Variants in BRMS1 observed in about 807,000 individuals in gnomAD.
BRMS1 encodes the protein BRMS1 transcriptional repressor and anoikis regulator, also known as breast cancer metastasis-suppressor 1.
A neutral mutation model predicts 40.4 loss-of-function variants in BRMS1; 26 were observed. That is an observed-to-expected ratio of 0.64 (90% CI 0.47 to 0.89). BRMS1 has a LOEUF of 0.89. Among genes scored for constraint, BRMS1 ranks in the 40% least tolerant of loss-of-function variants. The pLI is 0.00. For missense variants in BRMS1, 289 were observed against 309.4 expected (o/e 0.93, Z 0.49); for synonymous variants, 103 against 116.0 (o/e 0.89, Z 0.72).
intron 1 of BRMS1, 170 bp downstream of exon 1, chr11:66,344,802 C>T (rs1335883157): frequency 6.6e-6 from 1 of 152,322 alleles, no homozygotes; most frequent in African/African-American, 2.4e-5. Context: ...GGGGGCCTCC[C>T]GCTCCCTTCT....
chr11:66,339,603 C>T (rs950407472), intron 7 of BRMS1, among the ~76,000 whole-genome samples: 1 of 152,288 alleles, frequency 6.6e-6, no homozygotes, highest in Non-Finnish European at 1.5e-5. Context: ...CGGACAACCC[C>T]GGGAGATGGA....
At chr11:66,338,343 C>T (rs971121297) in intron 8 of BRMS1, 61 bp from the exon 9 acceptor site, 1 of 1,561,308 alleles carries the variant, frequency 6.4e-7, no homozygotes, top group Non-Finnish European at 8.7e-7. Flanking sequence ...AATCCCTGCC[C>T]CACCCCCCAC....
In BRMS1 at chr11:66,341,870, CTG is replaced by C. The variant is rs776309473; in HGVS notation, c.139+224_139+225del. ...GTGCACGTGTACTTGTGTGAAGGGG[CTG>C]TGTGTGTGCATACGTGCTTGTGTGT... On this transcript the variant is annotated intron_variant, in intron 2 of 9. Transcript: ENST00000359957. This position sits in a 1 kb window ranked among gnomAD's most constrained non-coding sequence, Gnocchi z 4.9. 1 of 642,516 alleles carries C rather than the reference CTG, an allele frequency of 1.6e-6. No individual in the cohort carries two copies. The highest frequency in any genetic ancestry group is 2.4e-5 in the Admixed American group (1 of 42,004). 39.8% of individuals were successfully genotyped at this position (642,516 alleles called of 1,614,324 possible). A position where few individuals can be genotyped will look rare whatever the true frequency, so the allele number is the denominator to read the frequency against.
In BRMS1 at chr11:66,342,088, G is replaced by C. The variant is rs36155294; in HGVS notation, c.139+8C>G. 6.2e-7 allele frequency: 1 copy of C among 1,611,842 alleles called. No individual in the cohort carries two copies. The highest frequency in any genetic ancestry group is 1.3e-5 in the African/African-American group (1 of 74,952). ...TGTGTGTGTGTGTCTGTGTGTGTAG[G>C]GGCTCACCGGAGCTCTCCTCTTCTG... On this transcript the variant is annotated splice_region_variant and intron_variant, in intron 2 of 9. Transcript: ENST00000359957.
At position 66,341,164 on chromosome 11, in the gene BRMS1, C is replaced by G. The variant is rs377110774; in HGVS notation, c.358+42G>C. The G allele has an allele frequency of 6.2e-7, 1 of 1,611,098 alleles. No individual in the cohort carries two copies. Among genetic ancestry groups the G allele is most frequent in the Non-Finnish European group, 8.5e-7 (1 of 1,177,996 alleles). The stretch of plus-strand genomic sequence containing the variant: ...GAGAGAGGAAGGGGACAGGGTGCCA[C>G]GGGTTCTGGGAGGGGAAGAGGGTAC... On this transcript the variant is annotated intron_variant, in intron 4 of 9. Transcript: ENST00000359957. The surrounding 1 kb of genome is among the most constrained non-coding windows in gnomAD (Gnocchi z 4.9).
At position 66,340,132 on chromosome 11, in the gene BRMS1, G is replaced by A. The variant is rs774267037; in HGVS notation, c.617C>T (p.Pro206Leu). 1 of 1,613,532 alleles carries A rather than the reference G, an allele frequency of 6.2e-7. No homozygotes were observed. The highest frequency in any genetic ancestry group is 1.1e-5 in the South Asian group (1 of 91,036). The change falls in exon 7 of 10, where the codon CCT (proline) becomes CTT (leucine). Residue 206 changes from proline to leucine, a missense_variant. Physicochemically the swap from Pro to Leu is moderately conservative, Grantham distance 98. Transcript: ENST00000359957. The part of the protein sequence containing the change: ...SLPPSKRKKA[P>L]LVSGPYIVYM... ...GGGTGAAAGGATACCAGAAACCAGA[G>A]GTGCCTTCTTCCTCTTGCTGGGCGG...
intron 8 of BRMS1, 73 bp from the exon 9 acceptor site, chr11:66,338,355 T>A: frequency 2.6e-6 from 4 of 1,550,944 alleles, no homozygotes; most frequent in Non-Finnish European, 3.5e-6. Flanking sequence ...ACCCCCCACC[T>A]CTGTGGCTTG....
At chr11:66,344,130 G>A (rs893819302) in intron 1 of BRMS1, among the ~76,000 whole-genome samples, 3 of 152,210 alleles carry the variant, frequency 2.0e-5, no homozygotes, top group Admixed American at 2.0e-4. Flanking sequence ...ATCAGTCTAT[G>A]AGCCTCACTA....
In BRMS1 at chr11:66,341,466, G is replaced by C. The variant is rs1855072708; in HGVS notation, c.230+67C>G. On this transcript the variant is annotated intron_variant, in intron 3 of 9. Coordinates refer to ENST00000359957, the MANE Select transcript of BRMS1 (RefSeq NM_015399.4). This position sits in a 1 kb window ranked among gnomAD's most constrained non-coding sequence, Gnocchi z 4.9. ...CCTGGGCACCAACCACGCCTGCCCA[G>C]TACCAGGCCCACCACCTCCTCATCC... 6.2e-7 allele frequency: 1 copy of C among 1,600,672 alleles called. No individual in the cohort carries two copies. The highest frequency in any genetic ancestry group is 8.6e-7 in the Non-Finnish European group (1 of 1,168,526).
At chr11:66,342,552 T>C (rs1325928338) in intron 1 of BRMS1, among the ~76,000 whole-genome samples, 2 of 152,204 alleles carry the variant, frequency 1.3e-5, no homozygotes, top group African/African-American at 4.8e-5. Context: ...CCTTTGCAAC[T>C]GGACCTAAAT....
intron 8 of BRMS1, 145 bp from the exon 9 acceptor site, chr11:66,338,427 C>T (rs1854986221): frequency 6.6e-7 from 1 of 1,512,596 alleles, no homozygotes; most frequent in Non-Finnish European, 8.9e-7. Context: ...CCAGGCAGAG[C>T]TCCCATGCTC....
rs984414643 is a variant in BRMS1 at position 66,342,114 on chromosome 11, ACT to A, written c.119_120del (p.Glu40ValfsTer10). 10 of 1,611,608 alleles carry A rather than the reference ACT, an allele frequency of 6.2e-6. No homozygotes were observed. The highest frequency in any genetic ancestry group is 4.0e-5 in the African/African-American group (3 of 74,320). ...SEEERSGSQT[E>X]SEEESSEMDD... ...GGCTCACCGGAGCTCTCCTCTTCTG[ACT>A]CTGTCTGGCTGCCGCTCCGCTCCTC... On this transcript the variant is annotated frameshift_variant, in exon 2 of 10. Coordinates refer to ENST00000359957, the MANE Select transcript of BRMS1 (RefSeq NM_015399.4). LOFTEE classifies it high-confidence loss of function.
chr11:66,342,045 GTGTAGGGGCTC>G (rs199559552), intron 2 of BRMS1, 40 bp downstream of exon 2: 1 of 1,538,276 alleles, frequency 6.5e-7, no homozygotes, highest in Non-Finnish European at 8.8e-7. Flanking sequence ...GCATGTGTGT[GTGTAGGGGCTC>G]TGTGTGTGTG....
Position 66,341,287 on chromosome 11 carries a change from C to G in BRMS1, c.277G>C (p.Val93Leu). ...LSQLRLRLEE[V>L]GAERAPEYTE... is the part of the protein sequence containing the mutation. ...TATTCAGGGGCTCTCTCAGCCCCCA[C>G]TTCCTCCAGCCGCAACCGCAGCTGA... is the stretch of plus-strand genomic sequence containing the variant. Residue 93 changes from valine to leucine, a missense_variant, in exon 4 of 10, where the codon GTG becomes CTG. Transcript: ENST00000359957. The surrounding 1 kb of genome is among the most constrained non-coding windows in gnomAD (Gnocchi z 4.9). 6.2e-7 allele frequency: 1 copy of G among 1,613,632 alleles called. No individual in the cohort carries two copies. Among genetic ancestry groups the G allele is most frequent in the Non-Finnish European group, 8.5e-7 (1 of 1,179,690 alleles).
In BRMS1 at chr11:66,337,884, A is replaced by G; in HGVS notation, c.739T>C (p.Ter247ArgextTer73). Residue 247 changes from the stop codon to arginine, a stop_lost, in exon 10 of 10, where the codon TGA (stop) becomes CGA (arginine). Coordinates refer to ENST00000359957, the MANE Select transcript of BRMS1 (RefSeq NM_015399.4). ...SPQKRKSDGP[*>R] is the part of the protein sequence containing the mutation. ...CCCCCTGGCTGTGAACAGCAGGGTC[A>G]AGGTCCTGTGCATATGTGGGAAGAA... The G allele has an allele frequency of 6.2e-7, 1 of 1,613,570 alleles. No individual in the cohort carries two copies. Among genetic ancestry groups the G allele is most frequent in the Non-Finnish European group, 8.5e-7 (1 of 1,179,710 alleles).
rs141305456 is a variant in BRMS1 at position 66,340,202 on chromosome 11, C to T, written c.547G>A (p.Asp183Asn). The change falls in exon 7 of 10, where the codon GAC (aspartate) becomes AAC (asparagine). Residue 183 changes from aspartate to asparagine, a missense_variant. Asp to Asn is a conservative substitution (Grantham distance 23). Transcript: ENST00000359957. ...SLDLSSEWWD[D>N]KLHARGSSRS... ...GAGCTGCCTCTGGCGTGCAGTTTGT[C>T]ATCCCACCATTCTGCCCCGAGACCC... 1.0e-4 allele frequency: 162 copies of T among 1,613,360 alleles called. No homozygotes were observed. The highest frequency in any genetic ancestry group is 1.3e-4 in the Non-Finnish European group (159 of 1,179,834).
intron 7 of BRMS1, chr11:66,339,868 C>A: frequency 2.4e-6 from 1 of 416,376 alleles, no homozygotes; most frequent in South Asian, 4.3e-5. Flanking sequence ...TCCCAAAGTG[C>A]TGGGACTGTA....
At chr11:66,339,934 G>A (rs766613164) in intron 7 of BRMS1, 187 bp downstream of exon 7, 100 of 558,568 alleles carry the variant, frequency 1.8e-4, no homozygotes, top group Non-Finnish European at 2.9e-4. Flanking sequence ...ACATAGCCCA[G>A]AGAGACCCAG....
chr11:66,337,922 C>A, intron 9 of BRMS1, 33 bp from the exon 10 acceptor site: 1 of 1,593,730 alleles, frequency 6.3e-7, no homozygotes. Flanking sequence ...AAACTGTCAC[C>A]AGTTAGGAAG....
Sources: gnomAD v4.1 joint callset for allele counts (sites outside exome capture counted in the v4.1 genomes callset) on GRCh38, gnomAD v4.1.1 for gene constraint, Gnocchi (gnomAD v3.1) non-coding constraint, MANE v1.5 for transcripts, NCBI Gene and HGNC (gene_info 2026-07-23, HGNC 2026-07-21) for gene names.